The following NEURL1B variants were observed in gnomAD, a reference collection of about 807,000 sequenced individuals.
NEURL1B encodes neuralized E3 ubiquitin protein ligase 1B, also known as E3 ubiquitin-protein ligase NEURL1B.
In NEURL1B, 13 loss-of-function variants were observed where a neutral mutation model predicts 37.4. The observed-to-expected ratio is 0.35, with a 90% CI of 0.23 to 0.55. NEURL1B has a LOEUF of 0.55. Among genes scored for constraint, NEURL1B ranks in the 20% least tolerant of loss-of-function variants. The pLI is 0.89. For missense variants in NEURL1B, 790 were observed against 879.2 expected (o/e 0.90, Z 1.28); for synonymous variants, 432 against 426.6 (o/e 1.01, Z -0.16).
chr5:172,642,116 GA>G (rs1351860241), intron 1 of NEURL1B, among the ~76,000 whole-genome samples: 3 of 152,230 alleles, frequency 2.0e-5, no homozygotes, highest in Admixed American at 1.3e-4. Flanking sequence ...GGCCTTACTG[GA>G]AAATACATGG....
intron 1 of NEURL1B, among the ~76,000 whole-genome samples, chr5:172,650,461 C>T (rs1223778918): frequency 6.6e-6 from 1 of 152,134 alleles, no homozygotes; most frequent in Admixed American, 6.5e-5. Flanking sequence ...GGCACAAGGT[C>T]ACCAGGTGAT....
chr5:172,644,129 A>G (rs1757518821), intron 1 of NEURL1B, among the ~76,000 whole-genome samples: 1 of 152,072 alleles, frequency 6.6e-6, no homozygotes, highest in Non-Finnish European at 1.5e-5. Context: ...TGTTTTATTC[A>G]CTGCTATACG....
rs1758571529 is a variant in NEURL1B at position 172,688,980 on chromosome 5, T to G, written c.*2055T>G. On this transcript the variant is annotated 3_prime_UTR_variant, in exon 5 of 5. Coordinates refer to ENST00000369800, the MANE Select transcript of NEURL1B (RefSeq NM_001142651.3). The surrounding 1 kb of genome is among the most constrained non-coding windows in gnomAD (Gnocchi z 4.3). Reference sequence around the variant, plus strand: ...GGCCTGGGGGAAAGCAGCTCCACTCTCCTGCCCTTCCTGGCTGCCCCTTTG... The same window carrying G: ...GGCCTGGGGGAAAGCAGCTCCACTCGCCTGCCCTTCCTGGCTGCCCCTTTG... The G allele has an allele frequency of 6.6e-6, 1 of 152,286 alleles. No homozygotes were observed. The highest frequency in any genetic ancestry group is 2.1e-4 in the South Asian group (1 of 4,834). 9.4% of individuals were successfully genotyped at this position (152,286 alleles called of 1,614,324 possible).
Position 172,665,920 on chromosome 5 carries a change from G to C in NEURL1B, c.32-3865G>C, listed in dbSNP as rs375717093. Among the ~76,000 whole-genome samples, 34 of 152,284 alleles carry C rather than the reference G, an allele frequency of 2.2e-4. 1 individual carries two copies. The South Asian group carries it at 6.9e-3, about 31-fold the overall frequency. ...TGTCTGCTTGACCTGGAGAGACTCA[G>C]ATCTCCACGAAGGCAGGATGTGTGT... On this transcript the variant is annotated intron_variant, in intron 1 of 4. Transcript: ENST00000369800. The surrounding 1 kb of genome is among the most constrained non-coding windows in gnomAD (Gnocchi z 4.1).
rs935948307 is a variant in NEURL1B at position 172,690,688 on chromosome 5, G to C, written c.*3763G>C. On this transcript the variant is annotated 3_prime_UTR_variant, in exon 5 of 5. Coordinates refer to ENST00000369800, the MANE Select transcript of NEURL1B (RefSeq NM_001142651.3). ...GGTCTGTTGAGGTGGGTGCCCAAAG[G>C]CTGCCTTCTTGACCAGAACCTGCTG... 6.6e-6 allele frequency: 1 copy of C among 152,304 alleles called. No homozygotes were observed. The highest frequency in any genetic ancestry group is 3.4e-3 in the Middle Eastern group (1 of 294). The allele number at this position is 152,304 out of a possible 1,614,324, so 9.4% of individuals were successfully genotyped here.
intron 1 of NEURL1B, among the ~76,000 whole-genome samples, chr5:172,642,113 C>T (rs1757474119): frequency 1.3e-5 from 2 of 152,220 alleles, no homozygotes; most frequent in South Asian, 2.1e-4. Context: ...GGAGGCCTTA[C>T]TGGAAAATAC....
In NEURL1B at chr5:172,661,389, T is replaced by C. The variant is rs1285426808; in HGVS notation, c.32-8396T>C. ...ATTTTATTGCTTCTAACAAGGTCCA[T>C]GAACCATTCCCCACGCCCCGCCAAC... On this transcript the variant is annotated intron_variant, in intron 1 of 4. Coordinates refer to ENST00000369800, the MANE Select transcript of NEURL1B (RefSeq NM_001142651.3). This position sits in a 1 kb window ranked among gnomAD's most constrained non-coding sequence, Gnocchi z 4.0. Among the ~76,000 whole-genome samples, 2 of 152,278 alleles carry C rather than the reference T, an allele frequency of 1.3e-5. No homozygotes were observed. The highest frequency in any genetic ancestry group is 4.1e-4 in the South Asian group (2 of 4,822).
At chr5:172,653,703 C>G (rs1757711366) in intron 1 of NEURL1B, among the ~76,000 whole-genome samples, 1 of 152,194 alleles carries the variant, frequency 6.6e-6, no homozygotes, top group Admixed American at 6.5e-5. Context: ...TCTTATGCCT[C>G]TTTATAATCC....
In NEURL1B at chr5:172,669,951, C is replaced by A; in HGVS notation, c.198C>A (p.Cys66Ter). 1.4e-6 allele frequency: 2 copies of A among 1,454,452 alleles called. No homozygotes were observed. The highest frequency in any genetic ancestry group is 1.8e-6 in the Non-Finnish European group (2 of 1,109,090). 90.1% of individuals were successfully genotyped at this position (1,454,452 alleles called of 1,614,324 possible). Residue 66 changes from cysteine (C) to a stop codon, truncating the protein, a stop_gained, in exon 2 of 5, where the codon TGC (cysteine) becomes TGA (stop). Transcript: ENST00000369800. LOFTEE classifies it high-confidence loss of function. ...SRRATRRNSF[C>*]NGVTFTQRPI... ...GGGCCACACGGCGCAACAGCTTCTGCAATGGCGTCACGTTCACGCAGCGGC... is the reference window on the plus strand; with the variant it reads ...GGGCCACACGGCGCAACAGCTTCTGAAATGGCGTCACGTTCACGCAGCGGC...
chr5:172,668,718 A>C (rs560324726), intron 1 of NEURL1B, among the ~76,000 whole-genome samples: 183 of 152,300 alleles, frequency 1.2e-3, no homozygotes, highest in African/African-American at 4.0e-3. Flanking sequence ...TGCTGTGCGA[A>C]GAGCAGCAGA....
rs963724753 is a variant in NEURL1B, at chr5:172,641,600, C to T, written c.31+163C>T. ...GGACCTCAGCTCGGCGCGCGCCCCG[C>T]GGCTGGGCTTTGCGCCCCGGGAGGG... On this transcript the variant is annotated intron_variant, in intron 1 of 4. Coordinates refer to ENST00000369800, the MANE Select transcript of NEURL1B (RefSeq NM_001142651.3). This position sits in a 1 kb window ranked among gnomAD's most constrained non-coding sequence, Gnocchi z 6.4. 1.3e-5 allele frequency among the ~76,000 whole-genome samples: 2 copies of T among 152,082 alleles called. No individual in the cohort carries two copies. The highest frequency in any genetic ancestry group is 2.9e-5 in the Non-Finnish European group (2 of 67,994).
chr5:172,664,492 G>A (rs1222960469), intron 1 of NEURL1B, among the ~76,000 whole-genome samples: 1 of 152,110 alleles, frequency 6.6e-6, no homozygotes, highest in Non-Finnish European at 1.5e-5. Flanking sequence ...AGCGGGTGGG[G>A]GGGACGGGTA....
chr5:172,672,390 C>T (rs1758146102), intron 2 of NEURL1B, among the ~76,000 whole-genome samples: 1 of 152,220 alleles, frequency 6.6e-6, no homozygotes, highest in Non-Finnish European at 1.5e-5. Context: ...CCTCACTCAC[C>T]TGCTCATTTG....
At chr5:172,660,411 G>C (rs974574480) in intron 1 of NEURL1B, among the ~76,000 whole-genome samples, 1 of 152,174 alleles carries the variant, frequency 6.6e-6, no homozygotes, top group Admixed American at 6.5e-5. Context: ...GCAGCATTGC[G>C]ACCTCTGGCC....
In NEURL1B at chr5:172,687,018, G is replaced by C. The variant is rs1581442720; in HGVS notation, c.*93G>C. 7.1e-7 allele frequency: 1 copy of C among 1,405,130 alleles called. No individual in the cohort carries two copies. Among genetic ancestry groups the C allele is most frequent in the East Asian group, 2.5e-5 (1 of 39,690 alleles). 87.0% of individuals were successfully genotyped at this position (1,405,130 alleles called of 1,614,324 possible). ...CACATGGCTGCCAGGGAGTCCACGGGCAGCGGCCATCTCTCCAGTGGTGGG... is the reference window on the plus strand; with the variant it reads ...CACATGGCTGCCAGGGAGTCCACGGCCAGCGGCCATCTCTCCAGTGGTGGG... On this transcript the variant is annotated 3_prime_UTR_variant, in exon 5 of 5. Transcript: ENST00000369800.
chr5:172,666,406 C>G (rs759139038), intron 1 of NEURL1B, among the ~76,000 whole-genome samples: 1 of 152,204 alleles, frequency 6.6e-6, no homozygotes, highest in Non-Finnish European at 1.5e-5. Flanking sequence ...GGCACATGAC[C>G]AACCTAGAGT....
chr5:172,659,188 C>T (rs1757851313), intron 1 of NEURL1B, among the ~76,000 whole-genome samples: 1 of 152,112 alleles, frequency 6.6e-6, no homozygotes, highest in African/African-American at 2.4e-5. Context: ...AAACATTTTG[C>T]CCAGCTGTTG....
chr5:172,682,888 T>C (rs971122421), intron 2 of NEURL1B, among the ~76,000 whole-genome samples: 2 of 152,168 alleles, frequency 1.3e-5, no homozygotes, highest in African/African-American at 2.4e-5. Context: ...GTGAGCTCAA[T>C]AGCAGGCAGT....
Position 172,684,133 on chromosome 5 carries a change from T to TCCTCGGTGAGTCC in NEURL1B, c.1295_1297+10dup. The TCCTCGGTGAGTCC allele has an allele frequency of 1.6e-6, 2 of 1,249,198 alleles. No homozygotes were observed. The highest frequency in any genetic ancestry group is 2.0e-6 in the Non-Finnish European group (2 of 996,144). The allele number at this position is 1,249,198 out of a possible 1,614,324, so 77.4% of individuals were successfully genotyped here. On this transcript the variant is annotated frameshift_variant, in exon 3 of 5. Coordinates refer to ENST00000369800, the MANE Select transcript of NEURL1B (RefSeq NM_001142651.3). LOFTEE classifies it high-confidence loss of function. ...GGCGGCGTCGCGGGCCAGCTGCGTC[T>TCCTCGGTGAGTCC]CCTCGGTGAGTCCCCGGCCCCGCGT...
Sources: allele counts gnomAD v4.1 joint callset (sites outside exome capture counted in the v4.1 genomes callset), GRCh38; gene constraint gnomAD v4.1.1; non-coding constraint Gnocchi (gnomAD v3.1); transcripts MANE v1.5; gene names NCBI Gene and HGNC (gene_info 2026-07-23, HGNC 2026-07-21).